Variants in SAE1 observed in about 807,000 individuals in gnomAD.
The protein encoded by SAE1 is SUMO1 activating enzyme subunit 1.
In SAE1, 11 loss-of-function variants were observed where a neutral mutation model predicts 40.6. That is an observed-to-expected ratio of 0.27 (90% CI 0.17 to 0.45). The LOEUF is 0.45. Ranked by LOEUF, SAE1 falls within the 20% of genes least tolerant of loss-of-function variation. The pLI is 1.00. For missense variants in SAE1, 373 were observed against 427.3 expected, an observed-to-expected ratio of 0.87 and a Z score of 1.12; for synonymous variants, 155 against 154.3, an observed-to-expected ratio of 1.00 and a Z score of -0.03.
intron 5 of SAE1, among the ~76,000 whole-genome samples, chr19:47,159,243 C>A (rs949892487): frequency 1.3e-5 from 2 of 152,168 alleles, no homozygotes; most frequent in African/African-American, 2.4e-5. Flanking sequence ...GTGATTCATT[C>A]TTTTGACTCC....
chr19:47,142,437 G>T (rs2058228042), intron 1 of SAE1: 1 of 150,014 alleles, frequency 6.7e-6, no homozygotes, highest in Admixed American at 6.7e-5. Context: ...CTCTTTTCAT[G>T]CCACCATGTG....
chr19:47,145,480 A>G (rs1036029738), intron 2 of SAE1, among the ~76,000 whole-genome samples: 2 of 152,190 alleles, frequency 1.3e-5, no homozygotes, highest in Non-Finnish European at 2.9e-5. Context: ...TTATAATGGT[A>G]GAGCCCAACT....
rs951074001 is a variant in SAE1 at position 47,151,478 on chromosome 19, T to A, written c.384+1103T>A. ...TTTTTTACACTTTTCTTTCTTTCTT[T>A]CTTTCTTTTTTGAGATGGAGTCTCA... On this transcript the variant is annotated intron_variant, in intron 3 of 8. Coordinates refer to ENST00000270225, the MANE Select transcript of SAE1 (RefSeq NM_005500.3). 3.3e-5 allele frequency among the ~76,000 whole-genome samples: 5 copies of A among 151,600 alleles called. No individual in the cohort carries two copies. The East Asian group carries it at 9.7e-4, about 29-fold the overall frequency.
At chr19:47,169,529 C>T (rs118118032) in intron 5 of SAE1, among the ~76,000 whole-genome samples, 2,142 of 152,174 alleles carry the variant, frequency 0.014, 106 homozygotes, top group Admixed American at 0.096. Context: ...ACAGGTGTGA[C>T]CCACCGCGCC....
intron 6 of SAE1, among the ~76,000 whole-genome samples, chr19:47,184,621 G>A (rs1330650949): frequency 6.6e-6 from 1 of 151,998 alleles, no homozygotes; most frequent in Non-Finnish European, 1.5e-5. Flanking sequence ...ACGTTGGCCA[G>A]GCTACTCTTG....
chr19:47,203,618 T>C, intron 7 of SAE1, 53 bp from the exon 8 acceptor site: 1 of 1,529,332 alleles, frequency 6.5e-7, no homozygotes. Context: ...CCAGATGTCA[T>C]GGTCACAGTT....
At chr19:47,144,055 T>G (rs1347564069) in intron 2 of SAE1, among the ~76,000 whole-genome samples, 1 of 152,168 alleles carries the variant, frequency 6.6e-6, no homozygotes, top group Non-Finnish European at 1.5e-5. Context: ...GTTTTAGGGC[T>G]GGACGCAGTG....
At chr19:47,166,694 C>T (rs180807757) in intron 5 of SAE1, among the ~76,000 whole-genome samples, 2 of 152,268 alleles carry the variant, frequency 1.3e-5, no homozygotes, top group Admixed American at 6.5e-5. Context: ...TGTGTTTCCT[C>T]ATTCTGATGG....
At chr19:47,182,025 A>G (rs1315450879) in intron 6 of SAE1, among the ~76,000 whole-genome samples, 2 of 151,800 alleles carry the variant, frequency 1.3e-5, no homozygotes, top group Non-Finnish European at 2.9e-5. Flanking sequence ...GGCTCAAGTG[A>G]TCCTCCCACT....
chr19:47,137,757 C>A (rs1268379835), intron 1 of SAE1, among the ~76,000 whole-genome samples: 1 of 141,754 alleles, frequency 7.1e-6, no homozygotes, highest in African/African-American at 2.6e-5. Flanking sequence ...GTGATGGACT[C>A]TCACTCTGTC....
At chr19:47,198,405 C>T (rs574187256) in intron 7 of SAE1, among the ~76,000 whole-genome samples, 65 of 152,242 alleles carry the variant, frequency 4.3e-4, no homozygotes, top group Non-Finnish European at 7.4e-4. Context: ...AGCCACCACG[C>T]GCTCCATCCA....
At chr19:47,139,755 A>G (rs1415508890) in intron 1 of SAE1, among the ~76,000 whole-genome samples, 2 of 125,146 alleles carry the variant, frequency 1.6e-5, no homozygotes, top group African/African-American at 3.0e-5. Context: ...CTCCCGGCCA[A>G]TTTTTTTTTT....
chr19:47,169,846 C>T lies in SAE1; in HGVS notation c.656C>T (p.Ala219Val), dbSNP rs747367118. Residue 219 changes from alanine (A) to valine (V), a missense_variant, in exon 6 of 9, where the codon GCC becomes GTC. Physicochemically the swap from Ala to Val is moderately conservative, Grantham distance 64 (BLOSUM62 0). Transcript: ENST00000270225. Reference protein sequence around the residue: ...KKVVFCPVKEALEVDWSSEKA... With the variant: ...KKVVFCPVKEVLEVDWSSEKA... ...GTGGTCTTCTGCCCTGTTAAAGAAG[C>T]CCTGGAGGTGGACTGGAGCAGTGAG... 1.1e-5 allele frequency: 18 copies of T among 1,614,054 alleles called. No individual in the cohort carries two copies. The highest frequency in any genetic ancestry group is 1.5e-5 in the Non-Finnish European group (18 of 1,179,912).
intron 5 of SAE1, among the ~76,000 whole-genome samples, chr19:47,159,285 C>T (rs765179784): frequency 1.3e-5 from 2 of 152,208 alleles, no homozygotes; most frequent in African/African-American, 2.4e-5. Context: ...ACAGCCTTCT[C>T]ATCCTCTCTT....
At chr19:47,185,384 G>A (rs574843578) in intron 6 of SAE1, among the ~76,000 whole-genome samples, 3 of 151,000 alleles carry the variant, frequency 2.0e-5, no homozygotes, top group South Asian at 2.1e-4. Context: ...GGCTCACTGC[G>A]ACCTCCACCT....
intron 1 of SAE1, among the ~76,000 whole-genome samples, chr19:47,133,212 T>G (rs1054184068): frequency 1.3e-5 from 2 of 152,172 alleles, no homozygotes; most frequent in African/African-American, 2.4e-5. Context: ...GGGAGTAACA[T>G]GATCTGTTTT....
intron 1 of SAE1, among the ~76,000 whole-genome samples, chr19:47,133,457 C>T (rs1279067945): frequency 4.6e-5 from 7 of 152,174 alleles, no homozygotes; most frequent in Admixed American, 4.6e-4. Flanking sequence ...GATCTCCTGA[C>T]CTCGTGATCC....
intron 6 of SAE1, among the ~76,000 whole-genome samples, chr19:47,192,080 GAA>G (rs1311769705): frequency 1.3e-5 from 2 of 151,678 alleles, no homozygotes; most frequent in South Asian, 2.1e-4. Flanking sequence ...AAAAGAGAGA[GAA>G]AGAAAATATA....
chr19:47,157,238 A>C (rs1276565519), intron 5 of SAE1, among the ~76,000 whole-genome samples: 1 of 152,168 alleles, frequency 6.6e-6, no homozygotes, highest in Admixed American at 6.5e-5. Context: ...ACAGAACCAT[A>C]ATTATCCAGA....
Sources: allele counts gnomAD v4.1 joint callset (sites outside exome capture counted in the v4.1 genomes callset), GRCh38; gene constraint gnomAD v4.1.1; transcripts MANE v1.5; gene names NCBI Gene and HGNC (gene_info 2026-07-23, HGNC 2026-07-21).